GSC2: variants seen among roughly 807,000 people sequenced by gnomAD.
GSC2 encodes the protein goosecoid homeobox 2, also known as homeobox protein goosecoid-2.
GSC2 carries 12 observed loss-of-function variants against 11.3 expected under a neutral mutation model. The ratio of observed to expected loss-of-function variants is 1.06; its 90% CI spans 0.68 to 1.72. The LOEUF (loss-of-function observed/expected upper bound fraction) is 1.72, where lower values mean the gene tolerates loss of function less well. Among genes scored for constraint, GSC2 ranks in the 40% most tolerant of loss-of-function variants. The pLI, the probability that GSC2 is intolerant of heterozygous loss-of-function variation, is 0.00. For synonymous variants in GSC2, 148 were observed against 110.0 expected (o/e 1.35, Z -2.16); for missense variants, 310 against 235.7 (o/e 1.32, Z -2.06).
At position 19,149,752 on chromosome 22, in the gene GSC2, C is replaced by G; in HGVS notation, c.424G>C (p.Glu142Gln). Residue 142 changes from glutamate (E) to glutamine (Q), a missense_variant, in exon 2 of 3, where the codon GAG (glutamate) becomes CAG (glutamine). By Grantham distance (29) the Glu-to-Gln change is conservative. Coordinates refer to ENST00000086933, the MANE Select transcript of GSC2 (RefSeq NM_005315.2). ...TACTGGTTCTGCACGAAAAGCGCCTCGAGCGCCTGCAGCTGCTCTTCGCTG... is the reference window on the plus strand; with the variant it reads ...TACTGGTTCTGCACGAAAAGCGCCTGGAGCGCCTGCAGCTGCTCTTCGCTG... ...IFSEEQLQAL[E>Q]ALFVQNQYPD... is the part of the protein sequence containing the mutation. 6.3e-7 allele frequency: 1 copy of G among 1,595,444 alleles called. No individual in the cohort carries two copies. The highest frequency in any genetic ancestry group is 8.5e-7 in the Non-Finnish European group (1 of 1,172,776).
rs2146121569 is a variant in GSC2, at chr22:19,149,934, G to A, written c.260-18C>T. ...ACGAGCGCCTGCGGAGCGAGGGCGC[G>A]GTGAGGCGCGGGGCTGGGGCCAAGC... On this transcript the variant is annotated intron_variant, in intron 1 of 2. Transcript: ENST00000086933. The A allele has an allele frequency of 7.6e-7, 1 of 1,315,026 alleles. No homozygotes were observed. 81.5% of individuals were successfully genotyped at this position (1,315,026 alleles called of 1,614,324 possible).
At position 19,147,382 on chromosome 22, in the gene GSC2, T is replaced by A. The variant is rs560250634; in HGVS notation, c.*1609A>T. Among the ~76,000 whole-genome samples, 148 of 152,282 alleles carry A rather than the reference T, an allele frequency of 9.7e-4. 1 individual carries two copies. Among genetic ancestry groups the A allele is most frequent in the Non-Finnish European group, 1.8e-3 (122 of 68,012 alleles). ...AATAGCCTGCTGTGGGGGGTCAGCCTGCCAAGGAGCAGCTAGAGCTCAAGA... is the reference window on the plus strand; with the variant it reads ...AATAGCCTGCTGTGGGGGGTCAGCCAGCCAAGGAGCAGCTAGAGCTCAAGA... On this transcript the variant is annotated 3_prime_UTR_variant, in exon 3 of 3. Transcript: ENST00000086933.
In GSC2 at chr22:19,149,873, G is replaced by A. The variant is rs781930059; in HGVS notation, c.303C>T (p.Pro101=). The A allele has an allele frequency of 6.9e-7, 1 of 1,459,526 alleles. No homozygotes were observed. The highest frequency in any genetic ancestry group is 9.0e-7 in the Non-Finnish European group (1 of 1,111,130). 90.4% of individuals were successfully genotyped at this position (1,459,526 alleles called of 1,614,324 possible). The change falls in exon 2 of 3, where the codon CCC becomes CCT. Residue 101 remains proline (P), a synonymous_variant. Transcript: ENST00000086933. ...AWPLRLGPAV[P]LSLGAPAGGS... is the part of the protein sequence containing the mutation. The stretch of plus-strand genomic sequence containing the variant: ...CTCCGGCTGGCGCACCCAGAGACAA[G>A]GGCACCGCCGGTCCCAGCCTCAGCG...
rs781839709 is a variant in GSC2 at position 19,149,725 on chromosome 22, G to T, written c.451C>A (p.Pro151Thr). The T allele has an allele frequency of 1.3e-6, 2 of 1,591,140 alleles. No individual in the cohort carries two copies. Among genetic ancestry groups the T allele is most frequent in the Admixed American group, 1.7e-5 (1 of 58,156 alleles). ...AGGCGCTCGCGCGTACTCACGTCAG[G>T]ATACTGGTTCTGCACGAAAAGCGCC... The part of the protein sequence containing the change: ...LEALFVQNQY[P>T]DVSTRERLAG... Residue 151 changes from proline to threonine, a missense_variant, in exon 2 of 3, where the codon CCT becomes ACT. Physicochemically the swap from Pro to Thr is conservative, Grantham distance 38. Transcript: ENST00000086933.
Position 19,147,492 on chromosome 22 carries a change from A to T in GSC2, c.*1499T>A, listed in dbSNP as rs2083798786. On this transcript the variant is annotated 3_prime_UTR_variant, in exon 3 of 3. Transcript: ENST00000086933. ...TGATCGGGGCTCCCAAAACAATGAC[A>T]GATGGCCATTCAACCAAGGAACTCA... Among the ~76,000 whole-genome samples the T allele has an allele frequency of 6.6e-6, 1 of 152,190 alleles. No individual in the cohort carries two copies. The highest frequency in any genetic ancestry group is 2.4e-5 in the African/African-American group (1 of 41,434).
rs1344328758 is a variant in GSC2, at chr22:19,149,961, C to T, written c.260-45G>A. ...TGAGGCGCGGGGCTGGGGCCAAGCT[C>T]GGCACCCACTGCGCCGCGCCCCGGG... On this transcript the variant is annotated intron_variant, in intron 1 of 2. Coordinates refer to ENST00000086933, the MANE Select transcript of GSC2 (RefSeq NM_005315.2). 6.5e-4 allele frequency: 795 copies of T among 1,221,948 alleles called. 3 individuals are homozygous for T. Among genetic ancestry groups the T allele is most frequent in the Non-Finnish European group, 7.7e-4 (753 of 982,370 alleles). The allele number at this position is 1,221,948 out of a possible 1,614,324, so 75.7% of individuals were successfully genotyped here.
intron 2 of GSC2, 35 bp from the exon 3 acceptor site, chr22:19,149,130 G>C (rs781792799): frequency 3.9e-6 from 5 of 1,296,342 alleles, no homozygotes; most frequent in Non-Finnish European, 5.3e-6. Context: ...CCTAGCCCCA[G>C]GTCCTGCGTC....
chr22:19,150,070 G>A lies in GSC2; in HGVS notation c.214C>T (p.Pro72Ser), dbSNP rs1286008934. The A allele has an allele frequency of 1.0e-6, 1 of 999,608 alleles. No homozygotes were observed. The highest frequency in any genetic ancestry group is 1.2e-6 in the Non-Finnish European group (1 of 840,792). The allele number at this position is 999,608 out of a possible 1,614,324, so 61.9% of individuals were successfully genotyped here. A position where few individuals can be genotyped will look rare whatever the true frequency, so the allele number is the denominator to read the frequency against. Residue 72 changes from proline (P) to serine (S), a missense_variant, in exon 1 of 3, where the codon CCC (proline) becomes TCC (serine). By Grantham distance (74) the Pro-to-Ser change is moderately conservative (BLOSUM62 -1). Transcript: ENST00000086933. Reference sequence around the variant, plus strand: ...GGGGGCCCGCAGGGCGCCGCGCGGGGGCCGCAGCAGCAGCAGCAGGCGCAG... The same window carrying A: ...GGGGGCCCGCAGGGCGCCGCGCGGGAGCCGCAGCAGCAGCAGCAGGCGCAG... The part of the protein sequence containing the change: ...APCACCCCCG[P>S]RAAPCGPPEA...
In GSC2 at chr22:19,147,411, A is replaced by C. The variant is rs935759817; in HGVS notation, c.*1580T>G. On this transcript the variant is annotated 3_prime_UTR_variant, in exon 3 of 3. Coordinates refer to ENST00000086933, the MANE Select transcript of GSC2 (RefSeq NM_005315.2). The stretch of plus-strand genomic sequence containing the variant: ...AAGGAGCAGCTAGAGCTCAAGAAGC[A>C]AATTCAGGAGAGCAACACAGCCACT... Among the ~76,000 whole-genome samples, 1 of 152,302 alleles carries C rather than the reference A, an allele frequency of 6.6e-6. No homozygotes were observed. The highest frequency in any genetic ancestry group is 2.4e-5 in the African/African-American group (1 of 41,562).
intron 2 of GSC2, 137 bp downstream of exon 2, chr22:19,149,526 G>A: frequency 2.0e-6 from 2 of 981,800 alleles, no homozygotes; most frequent in Non-Finnish European, 1.4e-6. Context: ...GCGCCGTCCA[G>A]GGACCTCCTC....
Position 19,149,684 on chromosome 22 carries a change from G to A in GSC2, c.492C>T (p.Arg164=), listed in dbSNP as rs1555918042. 18 of 1,560,758 alleles carry A rather than the reference G, an allele frequency of 1.2e-5. No individual in the cohort carries two copies. The highest frequency in any genetic ancestry group is 1.6e-5 in the Non-Finnish European group (18 of 1,157,306). Residue 164 remains arginine (R), a synonymous_variant, in exon 2 of 3, where the codon CGC becomes CGT. Transcript: ENST00000086933. ...STRERLAGRI[R]LREERVEVWF... ...TCACCTCCACGCGCTCCTCGCGAAG[G>A]CGGATGCGGCCGGCCAGGCGCTCGC...
rs1234555084 is a variant in GSC2, at chr22:19,148,860, G to C, written c.*131C>G. 3.4e-6 allele frequency: 2 copies of C among 595,242 alleles called. No homozygotes were observed. Among genetic ancestry groups the C allele is most frequent in the Non-Finnish European group, 6.0e-6 (2 of 335,108 alleles). The allele number at this position is 595,242 out of a possible 1,614,324, so 36.9% of individuals were successfully genotyped here. A position where few individuals can be genotyped will look rare whatever the true frequency, so the allele number is the denominator to read the frequency against. ...CGGCAGCACGAGCTGCAGGAGGCAA[G>C]GGCTGTGGAGACGGGTGGAGGCGGC... is the stretch of plus-strand genomic sequence containing the variant. On this transcript the variant is annotated 3_prime_UTR_variant, in exon 3 of 3. Transcript: ENST00000086933.
At position 19,149,754 on chromosome 22, in the gene GSC2, A is replaced by G; in HGVS notation, c.422T>C (p.Leu141Pro). Residue 141 changes from leucine to proline, a missense_variant, in exon 2 of 3, where the codon CTC (leucine) becomes CCC (proline). Transcript: ENST00000086933. ...CTGGTTCTGCACGAAAAGCGCCTCGAGCGCCTGCAGCTGCTCTTCGCTGAA... is the reference window on the plus strand; with the variant it reads ...CTGGTTCTGCACGAAAAGCGCCTCGGGCGCCTGCAGCTGCTCTTCGCTGAA... ...TIFSEEQLQA[L>P]EALFVQNQYP... 1 of 1,595,492 alleles carries G rather than the reference A, an allele frequency of 6.3e-7. No individual in the cohort carries two copies. The highest frequency in any genetic ancestry group is 8.5e-7 in the Non-Finnish European group (1 of 1,172,818).
At position 19,148,139 on chromosome 22, in the gene GSC2, G is replaced by A. The variant is rs1746253024; in HGVS notation, c.*852C>T. Among the ~76,000 whole-genome samples, 1 of 152,134 alleles carries A rather than the reference G, an allele frequency of 6.6e-6. No homozygotes were observed. Among genetic ancestry groups the A allele is most frequent in the Admixed American group, 6.5e-5 (1 of 15,272 alleles). ...GGAAGCAGGGGACCCTCACCCATGG[G>A]CAGGTTCACAGTAGCCTAGAGGCCA... On this transcript the variant is annotated 3_prime_UTR_variant, in exon 3 of 3. Coordinates refer to ENST00000086933, the MANE Select transcript of GSC2 (RefSeq NM_005315.2).
chr22:19,149,458 G>A (rs1555917980), intron 2 of GSC2, among the ~76,000 whole-genome samples: 1 of 152,242 alleles, frequency 6.6e-6, no homozygotes, highest in East Asian at 1.9e-4. Context: ...TAGCCCTCCG[G>A]TTCCTTTCCC....
intron 2 of GSC2, among the ~76,000 whole-genome samples, 166 bp from the exon 3 acceptor site, chr22:19,149,261 T>C (rs1555917889): frequency 6.6e-6 from 1 of 152,118 alleles, no homozygotes; most frequent in African/African-American, 2.4e-5. Flanking sequence ...CCTTATTCGC[T>C]GCGGACAGAC....
chr22:19,149,601 G>T, intron 2 of GSC2, 62 bp downstream of exon 2: 1 of 1,412,204 alleles, frequency 7.1e-7, no homozygotes, highest in African/African-American at 1.5e-5. Flanking sequence ...CGCCCGCCAG[G>T]ACCCCAGTCC....
intron 2 of GSC2, among the ~76,000 whole-genome samples, 195 bp downstream of exon 2, chr22:19,149,468 C>G (rs1420836245): frequency 1.3e-5 from 2 of 152,236 alleles, no homozygotes; most frequent in Non-Finnish European, 2.9e-5. Flanking sequence ...GTTCCTTTCC[C>G]GCGGCACCTC....
rs781934201 is a variant in GSC2 at position 19,149,101 on chromosome 22, G to C, written c.514-6C>G. The C allele has an allele frequency of 6.4e-7, 1 of 1,551,888 alleles. No homozygotes were observed. Among genetic ancestry groups the C allele is most frequent in the Non-Finnish European group, 8.8e-7 (1 of 1,139,814 alleles). On this transcript the variant is annotated splice_region_variant and splice_polypyrimidine_tract_variant and intron_variant, in intron 2 of 2. Coordinates refer to ENST00000086933, the MANE Select transcript of GSC2 (RefSeq NM_005315.2). ...CGGCGGTTCTTGAACCAGACCTGGG[G>C]ATGGGGGGAATGCTCAGCCCTAGCC...
Sources: allele counts gnomAD v4.1 joint callset (sites outside exome capture counted in the v4.1 genomes callset), GRCh38; gene constraint gnomAD v4.1.1; transcripts MANE v1.5; gene names NCBI Gene and HGNC (gene_info 2026-07-23, HGNC 2026-07-21).